The following GRPEL2 variants were observed in gnomAD, a reference collection of about 807,000 sequenced individuals.
The protein encoded by GRPEL2 is GrpE like 2, mitochondrial, also known as grpE protein homolog 2, mitochondrial.
GRPEL2 carries 18 observed loss-of-function variants against 25.9 expected under a neutral mutation model. The ratio of observed to expected loss-of-function variants is 0.70; its 90% CI spans 0.48 to 1.03. GRPEL2 has a LOEUF of 1.03. Among genes scored for constraint, GRPEL2 ranks in the 50% least tolerant of loss-of-function variants. The pLI, the probability that GRPEL2 is intolerant of heterozygous loss-of-function variation, is 0.00. For synonymous variants in GRPEL2, 106 were observed against 107.9 expected (o/e 0.98, Z 0.11); for missense variants, 247 against 276.2 (o/e 0.89, Z 0.75).
At position 149,345,589 on chromosome 5, in the gene GRPEL2, T is replaced by C. The variant is rs1195136772; in HGVS notation, c.50T>C (p.Leu17Pro). Residue 17 changes from leucine (L) to proline (P), a missense_variant, in exon 1 of 4, where the codon CTG becomes CCG. Transcript: ENST00000329271. Reference protein sequence around the residue: ...WAGRLRVQRLLAWSAAWESKG... With the variant: ...WAGRLRVQRLPAWSAAWESKG... ...GGCCGGCTGCGGGTGCAGCGCCTAC[T>C]GGCCTGGAGTGCCGCGTGGGAGAGC... is the stretch of plus-strand genomic sequence containing the variant. The C allele has an allele frequency of 2.5e-6, 4 of 1,611,350 alleles. No individual in the cohort carries two copies. Among genetic ancestry groups the C allele is most frequent in the Admixed American group, 3.3e-5 (2 of 59,826 alleles).
intron 2 of GRPEL2, among the ~76,000 whole-genome samples, chr5:149,349,385 T>G (rs1757742419): frequency 6.6e-6 from 1 of 152,234 alleles, no homozygotes; most frequent in South Asian, 2.1e-4. Flanking sequence ...TGGCTGAATG[T>G]GAAAAAGAAA....
Position 149,349,723 on chromosome 5 carries a change from G to A in GRPEL2, c.301G>A (p.Ala101Thr), listed in dbSNP as rs1757746421. Residue 101 changes from alanine (A) to threonine (T), a missense_variant, in exon 3 of 4, where the codon GCC becomes ACC. Coordinates refer to ENST00000329271, the MANE Select transcript of GRPEL2 (RefSeq NM_152407.4). ...GCGAACCCAGAGATGTGTGGAAGACGCCAAGATATTTGGTGAGAGATTTAT... is the reference window on the plus strand; with the variant it reads ...GCGAACCCAGAGATGTGTGGAAGACACCAAGATATTTGGTGAGAGATTTAT... The part of the protein sequence containing the change: ...RRRTQRCVED[A>T]KIFGIQSFCK... 7 of 1,612,256 alleles carry A rather than the reference G, an allele frequency of 4.3e-6. No individual in the cohort carries two copies. The highest frequency in any genetic ancestry group is 2.2e-5 in the South Asian group (2 of 91,032).
At chr5:149,350,626 G>C (rs1757759711) in intron 3 of GRPEL2, among the ~76,000 whole-genome samples, 4 of 152,170 alleles carry the variant, frequency 2.6e-5, no homozygotes, top group Admixed American at 6.5e-5. Context: ...AAAAATAGTT[G>C]TTTTTAAAGA....
At chr5:149,345,891 A>T in intron 1 of GRPEL2, 1 of 498,380 alleles carries the variant, frequency 2.0e-6, no homozygotes, top group Non-Finnish European at 3.6e-6. Context: ...CAAGGGAGGG[A>T]TGTACCACTC....
At chr5:149,350,451 A>G (rs1757757513) in intron 3 of GRPEL2, among the ~76,000 whole-genome samples, 1 of 152,142 alleles carries the variant, frequency 6.6e-6, no homozygotes. Context: ...GACACCCCTT[A>G]GCATAGTGTT....
intron 2 of GRPEL2, among the ~76,000 whole-genome samples, chr5:149,348,887 T>TGG (rs1463578883): frequency 6.6e-6 from 1 of 151,982 alleles, no homozygotes; most frequent in Non-Finnish European, 1.5e-5. Flanking sequence ...GTAAGGAGGC[T>TGG]GGAAAGCATT....
chr5:149,346,583 A>G (rs6887230), intron 1 of GRPEL2, among the ~76,000 whole-genome samples: 61,350 of 151,646 alleles, frequency 0.4, 13,659 homozygotes, highest in African/African-American at 0.61. Context: ...GACCAGAAGA[A>G]AAATGGTTCC....
chr5:149,346,529 C>T (rs1039791562), intron 1 of GRPEL2, among the ~76,000 whole-genome samples: 1 of 151,938 alleles, frequency 6.6e-6, no homozygotes, highest in Non-Finnish European at 1.5e-5. Flanking sequence ...TTTTGCTTAC[C>T]GTTCTCAAGT....
At chr5:149,348,770 A>C (rs1757728225) in intron 2 of GRPEL2, among the ~76,000 whole-genome samples, 1 of 152,208 alleles carries the variant, frequency 6.6e-6, no homozygotes, top group Admixed American at 6.5e-5. Flanking sequence ...TTCTTTGCTG[A>C]TGAGACCATG....
At position 149,349,737 on chromosome 5, in the gene GRPEL2, TGA is replaced by T. The variant is rs765305568; in HGVS notation, c.313+7_313+8del. The T allele has an allele frequency of 3.1e-6, 5 of 1,609,666 alleles. No homozygotes were observed. Among genetic ancestry groups the T allele is most frequent in the Non-Finnish European group, 4.3e-6 (5 of 1,176,116 alleles). On this transcript the variant is annotated splice_donor_region_variant and intron_variant, in intron 3 of 3. Transcript: ENST00000329271. Reference sequence around the variant, plus strand: ...GTGTGGAAGACGCCAAGATATTTGGTGAGAGATTTATTTACAATAAAAATGTC... The same window carrying T: ...GTGTGGAAGACGCCAAGATATTTGGTGAGATTTATTTACAATAAAAATGTC...
At position 149,348,505 on chromosome 5, in the gene GRPEL2, A is replaced by G. The variant is rs552064615; in HGVS notation, c.231+80A>G. ...ATAAAGTTTTTTATGTCAATTTTCA[A>G]AATGAAGTTTTCTTTAATTGGCTCT... On this transcript the variant is annotated intron_variant, in intron 2 of 3. Coordinates refer to ENST00000329271, the MANE Select transcript of GRPEL2 (RefSeq NM_152407.4). 2.4e-6 allele frequency: 3 copies of G among 1,244,290 alleles called. No homozygotes were observed. In the South Asian group the frequency reaches 4.9e-5, roughly 20 times the overall value. The allele number at this position is 1,244,290 out of a possible 1,614,324, so 77.1% of individuals were successfully genotyped here. A position where few individuals can be genotyped will look rare whatever the true frequency, so the allele number is the denominator to read the frequency against.
chr5:149,345,790 G>A, intron 1 of GRPEL2, 174 bp downstream of exon 1: 2 of 617,922 alleles, frequency 3.2e-6, no homozygotes, highest in South Asian at 2.0e-5. Context: ...GGGAAACTGA[G>A]GCCATCAGCC....
rs1581356173 is a variant in GRPEL2, at chr5:149,345,579, C to A, written c.40C>A (p.Gln14Lys). The A allele has an allele frequency of 6.2e-7, 1 of 1,612,060 alleles. No homozygotes were observed. The change falls in exon 1 of 4, where the codon CAG (glutamine) becomes AAG (lysine). Residue 14 changes from glutamine (Q) to lysine (K), a missense_variant. Physicochemically the swap from Gln to Lys is moderately conservative, Grantham distance 53 (BLOSUM62 1). Around this residue, in one of 2 missense-constraint regions of GRPEL2, gnomAD observed 125 missense variants for 107.0 expected, o/e 1.17. Transcript: ENST00000329271. The stretch of plus-strand genomic sequence containing the variant: ...GCTGTGGGCGGGCCGGCTGCGGGTG[C>A]AGCGCCTACTGGCCTGGAGTGCCGC... The part of the protein sequence containing the change: ...RSLWAGRLRV[Q>K]RLLAWSAAWE...
chr5:149,349,633 G>A, intron 2 of GRPEL2, 21 bp from the exon 3 acceptor site: 4 of 1,528,420 alleles, frequency 2.6e-6, no homozygotes, highest in Non-Finnish European at 3.6e-6. Context: ...TCATCCTTTT[G>A]ATTTTGCTTT....
chr5:149,354,191 A>G lies in GRPEL2; in HGVS notation c.*2909A>G, dbSNP rs1461002417. Reference sequence around the variant, plus strand: ...ATTAGCCACACCACAGGAAACCCACATTTTTAGATGGAAAGAGCAAGAAAA... The same window carrying G: ...ATTAGCCACACCACAGGAAACCCACGTTTTTAGATGGAAAGAGCAAGAAAA... On this transcript the variant is annotated 3_prime_UTR_variant, in exon 4 of 4. Coordinates refer to ENST00000329271, the MANE Select transcript of GRPEL2 (RefSeq NM_152407.4). 3 of 152,200 alleles carry G rather than the reference A, an allele frequency of 2.0e-5. No homozygotes were observed. The highest frequency in any genetic ancestry group is 4.4e-5 in the Non-Finnish European group (3 of 68,036). The allele number at this position is 152,200 out of a possible 1,614,324, so 9.4% of individuals were successfully genotyped here.
rs777131686 is a variant in GRPEL2, at chr5:149,351,172, G to T, written c.568G>T (p.Val190Leu). 2 of 1,614,014 alleles carry T rather than the reference G, an allele frequency of 1.2e-6. No individual in the cohort carries two copies. Among genetic ancestry groups the T allele is most frequent in the East Asian group, 4.5e-5 (2 of 44,890 alleles). Residue 190 changes from valine (V) to leucine (L), a missense_variant, in exon 4 of 4, where the codon GTG becomes TTG. Val to Leu is a conservative substitution (Grantham distance 32). Coordinates refer to ENST00000329271, the MANE Select transcript of GRPEL2 (RefSeq NM_152407.4). ...CTGTCATGTGCCAGCTGGTGTTGGGGTGCAGCCTGGCACCGTGGCATTAGT... is the reference window on the plus strand; with the variant it reads ...CTGTCATGTGCCAGCTGGTGTTGGGTTGCAGCCTGGCACCGTGGCATTAGT... Reference protein sequence around the residue: ...LICHVPAGVGVQPGTVALVRQ... With the variant: ...LICHVPAGVGLQPGTVALVRQ...
At chr5:149,346,180 T>A (rs1347269966) in intron 1 of GRPEL2, among the ~76,000 whole-genome samples, 7 of 152,202 alleles carry the variant, frequency 4.6e-5, no homozygotes, top group African/African-American at 1.4e-4. Flanking sequence ...GAAAGTGAGG[T>A]TTAGAAAAGT....
Position 149,352,067 on chromosome 5 carries a change from C to G in GRPEL2, c.*785C>G, listed in dbSNP as rs1757784277. On this transcript the variant is annotated 3_prime_UTR_variant, in exon 4 of 4. Transcript: ENST00000329271. ...CACTAACAGCTAATGACCCAGATGG[C>G]TCTATTTGGGTAATTTACCTACAAC... is the stretch of plus-strand genomic sequence containing the variant. 6.6e-6 allele frequency: 1 copy of G among 152,210 alleles called. No individual in the cohort carries two copies. The highest frequency in any genetic ancestry group is 2.1e-4 in the South Asian group (1 of 4,836). The allele number at this position is 152,210 out of a possible 1,614,324, so 9.4% of individuals were successfully genotyped here. A position where few individuals can be genotyped will look rare whatever the true frequency, so the allele number is the denominator to read the frequency against.
chr5:149,347,979 A>C, intron 1 of GRPEL2: 1 of 245,410 alleles, frequency 4.1e-6, no homozygotes, highest in Non-Finnish European at 7.7e-6. Flanking sequence ...AATACCAACT[A>C]TGTGATCTTG....
Sources: allele counts gnomAD v4.1 joint callset (sites outside exome capture counted in the v4.1 genomes callset), GRCh38; gene constraint gnomAD v4.1.1; regional missense constraint gnomAD v4.1.1; transcripts MANE v1.5; gene names NCBI Gene and HGNC (gene_info 2026-07-23, HGNC 2026-07-21).